USH2A: variants seen among roughly 807,000 people sequenced by gnomAD.
The protein encoded by USH2A is usherin, also known as Usher syndrome 2A (autosomal recessive, mild).
A neutral mutation model predicts 538.9 loss-of-function variants in USH2A; 443 were observed. The ratio of observed to expected loss-of-function variants is 0.82; its 90% CI spans 0.76 to 0.89. The LOEUF is 0.89. Among genes scored for constraint, USH2A ranks in the 40% least tolerant of loss-of-function variants. The pLI is 0.00. For missense variants in USH2A, 6,633 were observed against 6,324.8 expected, an observed-to-expected ratio of 1.05 and a Z score of -1.65; for synonymous variants, 2,413 against 2,273.5, an observed-to-expected ratio of 1.06 and a Z score of -1.75.
chr1:216,265,220 A>T (rs922357980), intron 11 of USH2A, among the ~76,000 whole-genome samples: 80 of 143,778 alleles, frequency 5.6e-4, no homozygotes, highest in African/African-American at 2.2e-3. Flanking sequence ...TCAAAAGAAG[A>T]CATACAAATA....
chr1:216,363,736 G>C (rs2038540243), intron 4 of USH2A, among the ~76,000 whole-genome samples: 1 of 151,730 alleles, frequency 6.6e-6, no homozygotes, highest in South Asian at 2.1e-4. Flanking sequence ...CTATACAATT[G>C]CATAGAATAC....
intron 35 of USH2A, among the ~76,000 whole-genome samples, chr1:215,978,065 T>G (rs908816615): frequency 6.6e-6 from 1 of 152,292 alleles, no homozygotes; most frequent in Admixed American, 6.5e-5. Flanking sequence ...AGGTCGAGGC[T>G]GCAGTGGGCC....
intron 13 of USH2A, among the ~76,000 whole-genome samples, chr1:216,240,038 G>A (rs866064462): frequency 1.5e-4 from 22 of 146,712 alleles, no homozygotes; most frequent in African/African-American, 5.5e-4. Flanking sequence ...AAAAAAGAGA[G>A]AAGGAGAAAA....
intron 37 of USH2A, among the ~76,000 whole-genome samples, chr1:215,948,955 A>G (rs1217983616): frequency 6.6e-6 from 1 of 152,108 alleles, no homozygotes; most frequent in Non-Finnish European, 1.5e-5. Flanking sequence ...TTTCTGTTCA[A>G]GGTAAAAATG....
chr1:216,001,400 T>A (rs1668263784), intron 32 of USH2A, among the ~76,000 whole-genome samples: 1 of 152,084 alleles, frequency 6.6e-6, no homozygotes, highest in South Asian at 2.1e-4. Flanking sequence ...CTCCCTCCCC[T>A]GAACTTCCCT....
rs58600730 is a variant in USH2A at position 216,365,104 on chromosome 1, A to G, written c.652-19T>C. The G allele has an allele frequency of 3.7e-6, 6 of 1,607,656 alleles. No homozygotes were observed. In the African/African-American group the frequency reaches 8.0e-5, roughly 22 times the overall value. On this transcript the variant is annotated intron_variant, in intron 3 of 71. Coordinates refer to ENST00000307340, the MANE Select transcript of USH2A (RefSeq NM_206933.4). ...GATGCACCTGTAAGAAATTACCACC[A>G]TTATTAGTTTAAGTGCATAAACTTT...
At chr1:216,114,380 C>T (rs2032951775) in intron 21 of USH2A, among the ~76,000 whole-genome samples, 3 of 152,102 alleles carry the variant, frequency 2.0e-5, no homozygotes, top group Admixed American at 1.3e-4. Context: ...CAGAACAACA[C>T]TAAATAACAG....
At chr1:215,966,346 C>T (rs939814255) in intron 36 of USH2A, among the ~76,000 whole-genome samples, 2 of 152,166 alleles carry the variant, frequency 1.3e-5, no homozygotes, top group African/African-American at 4.8e-5. Context: ...TAACTAATCA[C>T]TACAAACTCA....
intron 4 of USH2A, among the ~76,000 whole-genome samples, chr1:216,336,271 G>A (rs1490316585): frequency 6.6e-6 from 1 of 151,218 alleles, no homozygotes; most frequent in Non-Finnish European, 1.5e-5. Flanking sequence ...CTAATAAAGG[G>A]TATCTGTGAA....
Position 216,327,574 on chromosome 1 carries a change from A to G in USH2A, c.848+17T>C. The stretch of plus-strand genomic sequence containing the variant: ...ATCCTTTCGGTTCTTGAGGTTTACA[A>G]TGCAACATCTGCTTACCTGTTTGTA... On this transcript the variant is annotated intron_variant, in intron 5 of 71. Coordinates refer to ENST00000307340, the MANE Select transcript of USH2A (RefSeq NM_206933.4). The G allele has an allele frequency of 6.2e-7, 1 of 1,612,920 alleles. No individual in the cohort carries two copies. Among genetic ancestry groups the G allele is most frequent in the Non-Finnish European group, 8.5e-7 (1 of 1,179,256 alleles).
chr1:215,754,288 C>A (rs1374187909), intron 58 of USH2A, among the ~76,000 whole-genome samples: 1 of 152,184 alleles, frequency 6.6e-6, no homozygotes, highest in African/African-American at 2.4e-5. Context: ...CACGGGTACT[C>A]TTCCCCTGGG....
At chr1:216,212,701 G>GTA (rs1245910119) in intron 15 of USH2A, among the ~76,000 whole-genome samples, 1 of 151,138 alleles carries the variant, frequency 6.6e-6, no homozygotes, top group Non-Finnish European at 1.5e-5. Flanking sequence ...GTGTGTGTGT[G>GTA]TGTGCATGCA....
rs2037678513 is a variant in USH2A, at chr1:216,324,153, TA to T, written c.1328+14del. 1 of 1,610,792 alleles carries T rather than the reference TA, an allele frequency of 6.2e-7. No individual in the cohort carries two copies. ...CAATCAGTCTATTAAATTAATTGTT[TA>T]AAAATATTCATACTTGGAAAGCTGA... On this transcript the variant is annotated intron_variant, in intron 7 of 71. Coordinates refer to ENST00000307340, the MANE Select transcript of USH2A (RefSeq NM_206933.4).
intron 37 of USH2A, among the ~76,000 whole-genome samples, chr1:215,957,477 A>G (rs1322566376): frequency 2.6e-5 from 4 of 152,226 alleles, no homozygotes; most frequent in African/African-American, 7.2e-5. Context: ...ATGAAACACT[A>G]TCACTTGCTG....
chr1:216,225,488 T>C (rs1325472701), intron 14 of USH2A, among the ~76,000 whole-genome samples: 2 of 152,214 alleles, frequency 1.3e-5, no homozygotes, highest in African/African-American at 2.4e-5. Context: ...TCCACACGAC[T>C]GATTTAGTAA....
intron 21 of USH2A, among the ~76,000 whole-genome samples, chr1:216,111,546 T>C (rs2032870399): frequency 6.6e-6 from 1 of 151,932 alleles, no homozygotes; most frequent in Admixed American, 6.6e-5. Context: ...TCCAATATTA[T>C]AATCAGAATG....
At chr1:215,810,190 T>C (rs1322331451) in intron 49 of USH2A, among the ~76,000 whole-genome samples, 1 of 152,048 alleles carries the variant, frequency 6.6e-6, no homozygotes, top group African/African-American at 2.4e-5. Context: ...ATGCTTTAGG[T>C]GTGCAGAAAC....
chr1:215,879,907 A>G (rs1202647763), intron 41 of USH2A, among the ~76,000 whole-genome samples: 1 of 152,186 alleles, frequency 6.6e-6, no homozygotes, highest in Admixed American at 6.5e-5. Context: ...ATTTATTTAC[A>G]TGTTATCCTC....
At chr1:216,292,763 T>C (rs1007008310) in intron 9 of USH2A, among the ~76,000 whole-genome samples, 1 of 152,162 alleles carries the variant, frequency 6.6e-6, no homozygotes, top group Non-Finnish European at 1.5e-5. Context: ...ACATGCAAAG[T>C]GATCTTAATA....
Sources: allele counts gnomAD v4.1 joint callset (sites outside exome capture counted in the v4.1 genomes callset), GRCh38; gene constraint gnomAD v4.1.1; transcripts MANE v1.5; gene names NCBI Gene and HGNC (gene_info 2026-07-23, HGNC 2026-07-21).